The following SH3BGRL2 variants were observed in gnomAD, a reference collection of about 807,000 sequenced individuals.
The protein encoded by SH3BGRL2 is SH3 domain binding glutamate rich protein like 2.
Under a neutral mutation model 14.8 loss-of-function variants are expected in SH3BGRL2, and 21 were observed. That is an observed-to-expected ratio of 1.42 (90% confidence interval 1.01 to 2.05). The LOEUF is 2.05. SH3BGRL2 is among the 30% of genes most tolerant of loss of function. The pLI is 0.00. For missense variants in SH3BGRL2, 147 were observed against 130.8 expected (o/e 1.12, Z -0.61); for synonymous variants, 50 against 47.8 (o/e 1.05, Z -0.19).
At chr6:79,622,724 A>G in the SH3BGRL2 span, among the ~76,000 whole-genome samples, 1 of 152,228 alleles carries the variant, frequency 6.6e-6, no homozygotes, top group African/African-American at 2.4e-5. Flanking sequence ...TTGAATAGCT[A>G]CTTAAGTCAT....
the SH3BGRL2 span, among the ~76,000 whole-genome samples, chr6:79,615,613 G>A: frequency 0.47 from 71,784 of 151,916 alleles, 17,364 homozygotes; most frequent in East Asian, 0.77. Flanking sequence ...ACACCTATAA[G>A]ATGCCTAGCG....
At chr6:79,558,943 T>C in the SH3BGRL2 span, among the ~76,000 whole-genome samples, 3 of 151,994 alleles carry the variant, frequency 2.0e-5, no homozygotes, top group Admixed American at 6.5e-5. Context: ...GTGGTGGAGA[T>C]AGAGAAGAGG....
At chr6:79,591,658 G>A in the SH3BGRL2 span, among the ~76,000 whole-genome samples, 2 of 152,088 alleles carry the variant, frequency 1.3e-5, no homozygotes, top group Non-Finnish European at 2.9e-5. Flanking sequence ...TGCCCGCCTC[G>A]ACTTCCCAAA....
the SH3BGRL2 span, among the ~76,000 whole-genome samples, chr6:79,622,308 GAC>G: frequency 1.3e-5 from 2 of 152,120 alleles, no homozygotes; most frequent in Non-Finnish European, 2.9e-5. Flanking sequence ...TGACTACAAA[GAC>G]AATTGTTACT....
chr6:79,615,832 CTTTTTTTT>C, the SH3BGRL2 span, among the ~76,000 whole-genome samples: 2 of 109,238 alleles, frequency 1.8e-5, no homozygotes, highest in African/African-American at 7.2e-5. Flanking sequence ...TTTTTTCTTT[CTTTTTTTT>C]TTTTTTTTTA....
chr6:79,638,729 G>A (rs1276124476), intron 1 of SH3BGRL2, among the ~76,000 whole-genome samples: 1 of 151,838 alleles, frequency 6.6e-6, no homozygotes, highest in Admixed American at 6.6e-5. Context: ...CTATTTGTTG[G>A]CCATTTGTAT....
chr6:79,539,008 G>C, the SH3BGRL2 span, among the ~76,000 whole-genome samples: 4 of 152,178 alleles, frequency 2.6e-5, no homozygotes, highest in Non-Finnish European at 5.9e-5. Context: ...TCACCTACAG[G>C]TTAAGAAGTT....
chr6:79,645,576 TC>T (rs1355362801), intron 1 of SH3BGRL2, among the ~76,000 whole-genome samples: 1 of 152,240 alleles, frequency 6.6e-6, no homozygotes, highest in African/African-American at 2.4e-5. Context: ...GCTTGTATAT[TC>T]TTTTATCTTA....
chr6:79,677,949 G>A (rs1480394266), intron 2 of SH3BGRL2, among the ~76,000 whole-genome samples: 2 of 152,142 alleles, frequency 1.3e-5, no homozygotes, highest in East Asian at 1.9e-4. Context: ...GGGCCTCATG[G>A]CCAAGGTTTT....
At chr6:79,548,650 C>T in the SH3BGRL2 span, among the ~76,000 whole-genome samples, 57 of 152,294 alleles carry the variant, frequency 3.7e-4, no homozygotes, top group Admixed American at 1.9e-3. Flanking sequence ...TACCATATGT[C>T]TAGCACCTAG....
At position 79,700,064 on chromosome 6, in the gene SH3BGRL2, T is replaced by C. The variant is rs1770423240; in HGVS notation, c.*555T>C. On this transcript the variant is annotated 3_prime_UTR_variant, in exon 4 of 4. Coordinates refer to ENST00000369838, the MANE Select transcript of SH3BGRL2 (RefSeq NM_031469.4). ...CACCTGGTGAAAAAGTTAGATATTC[T>C]AGACTTGTTTTAGTAATGGAAACTC... is the stretch of plus-strand genomic sequence containing the variant. 2 of 152,438 alleles carry C rather than the reference T, an allele frequency of 1.3e-5. No individual in the cohort carries two copies. The highest frequency in any genetic ancestry group is 6.5e-5 in the Admixed American group (1 of 15,286). The allele number at this position is 152,438 out of a possible 1,614,324, so 9.4% of individuals were successfully genotyped here. A position where few individuals can be genotyped will look rare whatever the true frequency, so the allele number is the denominator to read the frequency against.
chr6:79,549,771 A>T, the SH3BGRL2 span, among the ~76,000 whole-genome samples: 1 of 152,162 alleles, frequency 6.6e-6, no homozygotes, highest in African/African-American at 2.4e-5. Flanking sequence ...TACTGTCTAA[A>T]ATTAGTAAGT....
chr6:79,653,615 G>A (rs1363182668), intron 1 of SH3BGRL2, among the ~76,000 whole-genome samples: 1 of 152,190 alleles, frequency 6.6e-6, no homozygotes, highest in African/African-American at 2.4e-5. Context: ...ATAGAGAAAG[G>A]CCTGTGCCCT....
intron 1 of SH3BGRL2, among the ~76,000 whole-genome samples, chr6:79,659,352 A>G (rs1467016831): frequency 4.6e-5 from 7 of 152,216 alleles, no homozygotes; most frequent in South Asian, 2.1e-4. Context: ...AGCTTTCTAC[A>G]TATGGCTAGC....
chr6:79,647,689 C>T (rs1457371228), intron 1 of SH3BGRL2, among the ~76,000 whole-genome samples: 1 of 152,038 alleles, frequency 6.6e-6, no homozygotes, highest in African/African-American at 2.4e-5. Flanking sequence ...AGAAAGTCAT[C>T]AGTGCTAGAT....
intron 3 of SH3BGRL2, among the ~76,000 whole-genome samples, 174 bp downstream of exon 3, chr6:79,696,739 AGT>A (rs1770340155): frequency 6.6e-6 from 1 of 152,114 alleles, no homozygotes; most frequent in South Asian, 2.1e-4. Context: ...AACAGAGGCT[AGT>A]TTTTTGTTTT....
chr6:79,693,126 A>T (rs1021429859), intron 2 of SH3BGRL2, among the ~76,000 whole-genome samples: 2 of 152,100 alleles, frequency 1.3e-5, no homozygotes, highest in Admixed American at 1.3e-4. Flanking sequence ...GCAATTGTGA[A>T]TGGGAGTTCA....
intron 1 of SH3BGRL2, among the ~76,000 whole-genome samples, chr6:79,660,407 T>C (rs949249001): frequency 1.3e-5 from 2 of 152,206 alleles, no homozygotes; most frequent in African/African-American, 4.8e-5. Flanking sequence ...CATGTGGTTT[T>C]TGTTGTTGGT....
At chr6:79,659,845 G>A (rs939654277) in intron 1 of SH3BGRL2, among the ~76,000 whole-genome samples, 2 of 152,100 alleles carry the variant, frequency 1.3e-5, no homozygotes, top group African/African-American at 4.8e-5. Flanking sequence ...TCCTTGAAGA[G>A]GTCCTTCACA....
Sources: gnomAD v4.1 joint callset for allele counts (sites outside exome capture counted in the v4.1 genomes callset) on GRCh38, gnomAD v4.1.1 for gene constraint, MANE v1.5 for transcripts, NCBI Gene and HGNC (gene_info 2026-07-23, HGNC 2026-07-21) for gene names.